The following MYT1L variants were observed in gnomAD, a reference collection of about 807,000 sequenced individuals.
The protein encoded by MYT1L is myelin transcription factor 1 like, also known as myelin transcription factor 1-like protein.
A neutral mutation model predicts 126.7 loss-of-function variants in MYT1L; 12 were observed. The ratio of observed to expected loss-of-function variants is 0.09; its 90% CI spans 0.06 to 0.15. MYT1L has a LOEUF of 0.15. Among genes scored for constraint, MYT1L ranks in the 10% least tolerant of loss-of-function variants. The pLI is 1.00. For missense variants in MYT1L, 979 were observed against 1,585.2 expected, an observed-to-expected ratio of 0.62 and a Z score of 6.49; for synonymous variants, 541 against 604.2, an observed-to-expected ratio of 0.90 and a Z score of 1.53.
intron 1 of MYT1L, among the ~76,000 whole-genome samples, chr2:2,284,709 A>AT (rs993199471): frequency 1.3e-4 from 19 of 151,892 alleles, no homozygotes; most frequent in African/African-American, 4.3e-4. Flanking sequence ...CAAAATTGTA[A>AT]TTTTTTGTTT....
intron 2 of MYT1L, among the ~76,000 whole-genome samples, chr2:2,197,612 C>T (rs951704359): frequency 6.7e-5 from 10 of 150,264 alleles, no homozygotes; most frequent in South Asian, 2.1e-4. Context: ...CATATACACA[C>T]GTATATACAC....
chr2:2,201,934 A>G (rs2093093314), intron 2 of MYT1L, among the ~76,000 whole-genome samples: 1 of 152,214 alleles, frequency 6.6e-6, no homozygotes, highest in Non-Finnish European at 1.5e-5. Context: ...AAGCATTACT[A>G]TAAATGAAGT....
At chr2:1,914,149 G>A (rs1251454354) in intron 11 of MYT1L, among the ~76,000 whole-genome samples, 1 of 152,046 alleles carries the variant, frequency 6.6e-6, no homozygotes, top group African/African-American at 2.4e-5. Context: ...AGCTACTCAG[G>A]AGGCTGAAGC....
At chr2:1,950,671 C>T (rs1041087146) in intron 8 of MYT1L, among the ~76,000 whole-genome samples, 10 of 152,146 alleles carry the variant, frequency 6.6e-5, no homozygotes, top group Non-Finnish European at 8.8e-5. Flanking sequence ...ACCCAGAGGG[C>T]GAGTTCAGGG....
At chr2:2,112,780 A>G (rs1471354841) in intron 3 of MYT1L, among the ~76,000 whole-genome samples, 1 of 152,218 alleles carries the variant, frequency 6.6e-6, no homozygotes, top group Non-Finnish European at 1.5e-5. Flanking sequence ...TGGCCTCTCC[A>G]GTCTGTGTTG....
Position 1,883,330 on chromosome 2 carries a change from C to T in MYT1L, c.2711+3209G>A, listed in dbSNP as rs566822574. 2.0e-3 allele frequency among the ~76,000 whole-genome samples: 298 copies of T among 152,270 alleles called. 2 individuals are homozygous for T. The highest frequency in any genetic ancestry group is 6.8e-3 in the Middle Eastern group (2 of 294). On this transcript the variant is annotated intron_variant, in intron 18 of 24. Transcript: ENST00000647738. Reference sequence around the variant, plus strand: ...ACCTACACCATGCCCATGTCAACAACGGCACACATATCTGGAAGCAGAAAA... The same window carrying T: ...ACCTACACCATGCCCATGTCAACAATGGCACACATATCTGGAAGCAGAAAA...
intron 5 of MYT1L, among the ~76,000 whole-genome samples, chr2:1,983,142 C>G (rs2060733338): frequency 6.6e-6 from 1 of 152,150 alleles, no homozygotes; most frequent in Admixed American, 6.5e-5. Context: ...TGTGAAATTC[C>G]TGCCACAGTT....
At chr2:2,215,650 T>C (rs1314431137) in intron 2 of MYT1L, among the ~76,000 whole-genome samples, 1 of 152,206 alleles carries the variant, frequency 6.6e-6, no homozygotes, top group Non-Finnish European at 1.5e-5. Context: ...AGTAAGGATA[T>C]AAGAGGTTTG....
Position 1,994,377 on chromosome 2 carries a change from G to GCTCCCTC in MYT1L, c.-1+2807_-1+2813dup, listed in dbSNP as rs527829004. On this transcript the variant is annotated intron_variant, in intron 5 of 24. Transcript: ENST00000647738. ...GGGGCTCAGCCCTGGTTCAGGCCCT[G>GCTCCCTC]CTCCCTCCTCCCAGCGAGTCCTCCT... 1.7e-4 allele frequency among the ~76,000 whole-genome samples: 26 copies of GCTCCCTC among 151,016 alleles called. No homozygotes were observed. The East Asian group carries it at 5.0e-3, about 29-fold the overall frequency.
intron 11 of MYT1L, among the ~76,000 whole-genome samples, chr2:1,916,636 T>A (rs578118739): frequency 6.6e-6 from 1 of 152,224 alleles, no homozygotes; most frequent in African/African-American, 2.4e-5. Flanking sequence ...ATGCTTAAGA[T>A]CAAAACCCAT....
At chr2:2,230,250 G>A (rs1395584226) in intron 2 of MYT1L, among the ~76,000 whole-genome samples, 2 of 152,204 alleles carry the variant, frequency 1.3e-5, no homozygotes, top group East Asian at 3.8e-4. Flanking sequence ...GGTTCAGCCT[G>A]TGGGAGAAAA....
chr2:1,789,120 T>C lies in MYT1L; in HGVS notation c.*2747A>G, dbSNP rs1048552841. ...TGAAGACGCAGACCCGGGTTAGAGA[T>C]CCTTCGTGCTACAAATGTGGCAACA... On this transcript the variant is annotated 3_prime_UTR_variant, in exon 25 of 25. Coordinates refer to ENST00000647738, the MANE Select transcript of MYT1L (RefSeq NM_001303052.2). 6.6e-6 allele frequency: 1 copy of C among 152,236 alleles called. No homozygotes were observed. The highest frequency in any genetic ancestry group is 2.4e-5 in the African/African-American group (1 of 41,468). 9.4% of individuals were successfully genotyped at this position (152,236 alleles called of 1,614,324 possible).
At chr2:1,809,397 C>T (rs893536082) in intron 21 of MYT1L, among the ~76,000 whole-genome samples, 5 of 141,792 alleles carry the variant, frequency 3.5e-5, no homozygotes, top group East Asian at 2.0e-4. Flanking sequence ...CATGGGTGCT[C>T]GGCTGGGGCT....
chr2:2,245,089 A>G (rs958527304), intron 2 of MYT1L, among the ~76,000 whole-genome samples: 1 of 152,240 alleles, frequency 6.6e-6, no homozygotes, highest in African/African-American at 2.4e-5. Flanking sequence ...TTACAGTTTG[A>G]GAACAGCTCC....
chr2:2,217,575 T>G (rs2093712153), intron 2 of MYT1L, among the ~76,000 whole-genome samples: 1 of 151,200 alleles, frequency 6.6e-6, no homozygotes, highest in South Asian at 2.1e-4. Flanking sequence ...CCCAGCTACT[T>G]GAGAGGCTGA....
At chr2:2,201,346 G>A (rs1367147735) in intron 2 of MYT1L, among the ~76,000 whole-genome samples, 2 of 152,250 alleles carry the variant, frequency 1.3e-5, no homozygotes, top group East Asian at 1.9e-4. Context: ...ATTTGAAAAT[G>A]ATCTTATCAA....
At chr2:1,794,454 A>G (rs577483215) in intron 23 of MYT1L, among the ~76,000 whole-genome samples, 8 of 152,326 alleles carry the variant, frequency 5.3e-5, no homozygotes, top group African/African-American at 1.9e-4. Context: ...GTGAGAAGAC[A>G]TTTGTTATTC....
chr2:2,061,482 T>C (rs1051119912), intron 3 of MYT1L, among the ~76,000 whole-genome samples: 1 of 151,964 alleles, frequency 6.6e-6, no homozygotes, highest in African/African-American at 2.4e-5. Context: ...TCAACCCCCT[T>C]GCAACAACCT....
intron 1 of MYT1L, among the ~76,000 whole-genome samples, chr2:2,301,825 T>TA (rs375520368): frequency 0.049 from 4,715 of 96,780 alleles, 172 homozygotes; most frequent in South Asian, 0.12. Flanking sequence ...CCTGTCTGTC[T>TA]AAAAAAAAAA....
Sources: gnomAD v4.1 joint callset for allele counts (sites outside exome capture counted in the v4.1 genomes callset) on GRCh38, gnomAD v4.1.1 for gene constraint, MANE v1.5 for transcripts, NCBI Gene and HGNC (gene_info 2026-07-23, HGNC 2026-07-21) for gene names.